Variants in NR3C2 observed in about 807,000 individuals in gnomAD.
NR3C2 encodes the protein mineralocorticoid receptor.
In NR3C2, 15 loss-of-function variants were observed where a neutral mutation model predicts 86.4. The observed-to-expected ratio is 0.17, with a 90% CI of 0.12 to 0.27. The LOEUF is 0.27. NR3C2 is among the 10% of genes least tolerant of loss of function. The probability of loss-of-function intolerance (pLI) is 1.00; values close to 1 mark genes in which losing one functional copy is unlikely to be tolerated. For synonymous variants in NR3C2, 458 were observed against 450.5 expected (o/e 1.02, Z -0.21); for missense variants, 960 against 1,195.6 (o/e 0.80, Z 2.91).
In NR3C2 at chr4:148,359,277, G is replaced by A. The variant is rs1019478984; in HGVS notation, c.1757+75827C>T. 2.6e-5 allele frequency among the ~76,000 whole-genome samples: 4 copies of A among 151,596 alleles called. No homozygotes were observed. The South Asian group carries it at 8.3e-4, about 32-fold the overall frequency. Reference sequence around the variant, plus strand: ...GCCCTCACCATGGGTTTTTAAAGGGGGGAAAAAAAAGAAAGCTAATAATTT... The same window carrying A: ...GCCCTCACCATGGGTTTTTAAAGGGAGGAAAAAAAAGAAAGCTAATAATTT... On this transcript the variant is annotated intron_variant, in intron 2 of 8. Coordinates refer to ENST00000358102, the MANE Select transcript of NR3C2 (RefSeq NM_000901.5).
chr4:148,255,658 T>G (rs1579072233), intron 3 of NR3C2, among the ~76,000 whole-genome samples: 1 of 152,232 alleles, frequency 6.6e-6, no homozygotes. Context: ...GTGGTAGCTG[T>G]GTCTTCCAGA....
intron 2 of NR3C2, among the ~76,000 whole-genome samples, chr4:148,281,033 T>C (rs1424717353): frequency 2.6e-5 from 4 of 152,210 alleles, no homozygotes; most frequent in Non-Finnish European, 5.9e-5. Context: ...TGGCACCTGC[T>C]AGAGACATTT....
intron 2 of NR3C2, among the ~76,000 whole-genome samples, chr4:148,382,349 G>A (rs537099932): frequency 7.2e-5 from 11 of 152,260 alleles, no homozygotes; most frequent in South Asian, 2.1e-4. Flanking sequence ...AATATGGTCC[G>A]TGCACTTAAT....
chr4:148,214,464 AT>A, intron 3 of NR3C2, among the ~76,000 whole-genome samples: 1 of 152,280 alleles, frequency 6.6e-6, no homozygotes, highest in Non-Finnish European at 1.5e-5. Context: ...AAAAATAAAA[AT>A]TTTCCAAATC....
chr4:148,225,862 G>A (rs1259589901), intron 3 of NR3C2, among the ~76,000 whole-genome samples: 1 of 152,038 alleles, frequency 6.6e-6, no homozygotes, highest in Non-Finnish European at 1.5e-5. Context: ...GCACTCGACT[G>A]TATCACTCAC....
At chr4:148,402,035 A>G (rs1481377146) in intron 2 of NR3C2, among the ~76,000 whole-genome samples, 2 of 152,208 alleles carry the variant, frequency 1.3e-5, no homozygotes, top group African/African-American at 2.4e-5. Context: ...TAAATTAAGC[A>G]GAAAAATTGT....
chr4:148,322,161 A>G (rs2149954855), intron 2 of NR3C2, among the ~76,000 whole-genome samples: 1 of 149,126 alleles, frequency 6.7e-6, no homozygotes, highest in Admixed American at 6.7e-5. Context: ...TGGATATGAA[A>G]TTCTGGGTTG....
intron 2 of NR3C2, among the ~76,000 whole-genome samples, chr4:148,364,887 T>C (rs952836733): frequency 1.3e-4 from 20 of 151,378 alleles, no homozygotes; most frequent in African/African-American, 4.4e-4. Flanking sequence ...AGTCTAAACA[T>C]GAAATTCATT....
intron 2 of NR3C2, among the ~76,000 whole-genome samples, chr4:148,352,382 A>ATCTATTTT (rs1394237537): frequency 1.1e-5 from 1 of 94,350 alleles, no homozygotes; most frequent in Non-Finnish European, 2.1e-5. Flanking sequence ...TCATCTATCT[A>ATCTATTTT]TCTATCTATC....
chr4:148,135,434 G>C (rs919513435), intron 6 of NR3C2, among the ~76,000 whole-genome samples: 6 of 152,114 alleles, frequency 3.9e-5, no homozygotes, highest in Admixed American at 6.6e-5. Flanking sequence ...TGCCATCTTG[G>C]AAGGAGATGG....
At chr4:148,243,832 T>C (rs2149851642) in intron 3 of NR3C2, among the ~76,000 whole-genome samples, 1 of 152,326 alleles carries the variant, frequency 6.6e-6, no homozygotes, top group South Asian at 2.1e-4. Context: ...GATTTCAACA[T>C]CATGCCAAGT....
At chr4:148,108,680 C>T (rs1044038856) in intron 8 of NR3C2, among the ~76,000 whole-genome samples, 2 of 152,214 alleles carry the variant, frequency 1.3e-5, no homozygotes, top group African/African-American at 2.4e-5. Flanking sequence ...CACACTGACC[C>T]CCACCCACCC....
At chr4:148,298,219 G>A (rs947606446) in intron 2 of NR3C2, among the ~76,000 whole-genome samples, 2 of 152,154 alleles carry the variant, frequency 1.3e-5, no homozygotes, top group African/African-American at 4.8e-5. Context: ...ATATTATGCA[G>A]CAATAAGAAT....
At chr4:148,356,258 T>C (rs562319123) in intron 2 of NR3C2, among the ~76,000 whole-genome samples, 7 of 152,340 alleles carry the variant, frequency 4.6e-5, no homozygotes, top group African/African-American at 1.2e-4. Flanking sequence ...AAAAAGTAAT[T>C]TGATGAACTT....
At position 148,114,236 on chromosome 4, in the gene NR3C2, C is replaced by G. The variant is rs761817686; in HGVS notation, c.2667G>C (p.Gln889His). ...STIPKDGLKS[Q>H]AAFEEMRTNY... ...TTGTCCTCATTTCTTCAAATGCAGC[C>G]TGGCTTTTGAGGCCATCCTTTGGAA... is the stretch of plus-strand genomic sequence containing the variant. The change falls in exon 8 of 9, where the codon CAG (glutamine) becomes CAC (histidine). Residue 889 changes from glutamine to histidine, a missense_variant. This residue lies in a region of NR3C2 where 151 missense variants were observed against 296.3 expected (regional missense o/e 0.51). Transcript: ENST00000358102. The G allele has an allele frequency of 3.1e-6, 5 of 1,614,006 alleles. No individual in the cohort carries two copies. Among genetic ancestry groups the G allele is most frequent in the Non-Finnish European group, 4.2e-6 (5 of 1,179,952 alleles).
intron 2 of NR3C2, among the ~76,000 whole-genome samples, chr4:148,272,472 A>G (rs749700182): frequency 2.0e-5 from 3 of 152,180 alleles, no homozygotes; most frequent in Admixed American, 1.3e-4. Context: ...GTGTGTGTGT[A>G]TAAGTGTGTG....
At chr4:148,164,690 G>T (rs1734805403) in intron 4 of NR3C2, among the ~76,000 whole-genome samples, 1 of 152,142 alleles carries the variant, frequency 6.6e-6, no homozygotes, top group Admixed American at 6.5e-5. Flanking sequence ...TCTCAGTAGA[G>T]AATTTATTAC....
chr4:148,168,122 A>G (rs1205210044), intron 4 of NR3C2, among the ~76,000 whole-genome samples: 1 of 152,228 alleles, frequency 6.6e-6, no homozygotes, highest in Non-Finnish European at 1.5e-5. Context: ...AGACTCCAGG[A>G]AAGAGGCAGT....
intron 4 of NR3C2, among the ~76,000 whole-genome samples, chr4:148,159,884 A>T (rs2089236207): frequency 1.3e-5 from 2 of 152,160 alleles, no homozygotes; most frequent in Non-Finnish European, 2.9e-5. Context: ...CACCTTACTA[A>T]ATCAATATTG....
Sources: gnomAD v4.1 joint callset for allele counts (sites outside exome capture counted in the v4.1 genomes callset) on GRCh38, gnomAD v4.1.1 for gene constraint, gnomAD v4.1.1 regional missense constraint, MANE v1.5 for transcripts, NCBI Gene and HGNC (gene_info 2026-07-23, HGNC 2026-07-21) for gene names.